Variants in PHF24 observed in about 807,000 individuals in gnomAD.
The protein encoded by PHF24 is Galpha inhibitory interacting protein.
PHF24 carries 25 observed loss-of-function variants against 42.6 expected under a neutral mutation model. The observed-to-expected ratio is 0.59, with a 90% confidence interval of 0.43 to 0.82. PHF24 has a LOEUF of 0.82. PHF24 is among the 40% of genes least tolerant of loss of function. The pLI is 0.00. For missense variants in PHF24, 470 were observed against 538.1 expected (o/e 0.87, Z 1.25); for synonymous variants, 185 against 204.8 (o/e 0.90, Z 0.83).
chr9:34,740,782 T>C, the PHF24 span, among the ~76,000 whole-genome samples: 3 of 152,190 alleles, frequency 2.0e-5, no homozygotes, highest in Non-Finnish European at 2.9e-5. Flanking sequence ...TTATTATATA[T>C]CCTTACAATG....
chr9:34,936,204 C>T, the PHF24 span, among the ~76,000 whole-genome samples: 1 of 152,190 alleles, frequency 6.6e-6, no homozygotes, highest in South Asian at 2.1e-4. Flanking sequence ...GAGTGCCTGC[C>T]ATTGCAGGCG....
chr9:34,843,767 T>G, the PHF24 span, among the ~76,000 whole-genome samples: 1 of 152,134 alleles, frequency 6.6e-6, no homozygotes, highest in Non-Finnish European at 1.5e-5. Context: ...AGACAGTATC[T>G]CACTACATTG....
the PHF24 span, among the ~76,000 whole-genome samples, chr9:34,874,916 G>A: frequency 6.3e-4 from 95 of 151,994 alleles, no homozygotes; most frequent in African/African-American, 2.1e-3. Flanking sequence ...TGGAGAATGG[G>A]GCATCTGTCC....
the PHF24 span, chr9:34,726,747 G>A: frequency 1.9e-6 from 3 of 1,551,754 alleles, no homozygotes; most frequent in Non-Finnish European, 2.6e-6. Flanking sequence ...ACAGATGACA[G>A]TGAAAGCTCT....
At chr9:34,821,608 A>G in the PHF24 span, among the ~76,000 whole-genome samples, 2 of 152,184 alleles carry the variant, frequency 1.3e-5, no homozygotes, top group South Asian at 2.1e-4. Context: ...TGGATCCTCC[A>G]TCAGGCTCTC....
chr9:34,940,472 C>T, the PHF24 span, among the ~76,000 whole-genome samples: 3 of 151,814 alleles, frequency 2.0e-5, 1 homozygote, highest in South Asian at 6.2e-4. Flanking sequence ...TTAATTCTTA[C>T]AGGGTGTGGT....
At chr9:34,761,649 TAGAG>T in the PHF24 span, among the ~76,000 whole-genome samples, 1 of 152,130 alleles carries the variant, frequency 6.6e-6, no homozygotes, top group Admixed American at 6.5e-5. Flanking sequence ...TATGGCATGG[TAGAG>T]AGAGAGCCCT....
the PHF24 span, among the ~76,000 whole-genome samples, chr9:34,906,464 G>T: frequency 6.6e-6 from 1 of 151,998 alleles, no homozygotes; most frequent in Non-Finnish European, 1.5e-5. Context: ...CAGCAGAAAG[G>T]AATCTTAAGT....
chr9:34,680,737 C>T, the PHF24 span, among the ~76,000 whole-genome samples: 1 of 151,348 alleles, frequency 6.6e-6, no homozygotes, highest in Non-Finnish European at 1.5e-5. Context: ...AATAAGAAAA[C>T]CAATACAAGA....
At chr9:34,666,937 T>TCCC in the PHF24 span, among the ~76,000 whole-genome samples, 1 of 151,600 alleles carries the variant, frequency 6.6e-6, no homozygotes, top group East Asian at 1.9e-4. Flanking sequence ...AGAGTGAGAC[T>TCCC]CCGTCTCAAA....
chr9:34,900,718 G>T, the PHF24 span, among the ~76,000 whole-genome samples: 1 of 152,206 alleles, frequency 6.6e-6, no homozygotes, highest in Non-Finnish European at 1.5e-5. Flanking sequence ...AATCCCCAAT[G>T]TAACAGTTTT....
the PHF24 span, among the ~76,000 whole-genome samples, chr9:34,864,850 T>C: frequency 1.3e-5 from 2 of 152,192 alleles, no homozygotes; most frequent in Admixed American, 1.3e-4. Context: ...ATGGACAGTA[T>C]AATATATAAA....
At chr9:34,941,492 C>T in the PHF24 span, among the ~76,000 whole-genome samples, 1 of 152,148 alleles carries the variant, frequency 6.6e-6, no homozygotes, top group Non-Finnish European at 1.5e-5. Context: ...AAGACAAACC[C>T]ATACCCAGAA....
In PHF24 at chr9:34,972,340, C is replaced by A; in HGVS notation, c.379-6C>A. 1 of 1,596,688 alleles carries A rather than the reference C, an allele frequency of 6.3e-7. No homozygotes were observed. The highest frequency in any genetic ancestry group is 1.1e-5 in the South Asian group (1 of 89,014). Reference sequence around the variant, plus strand: ...ATCCCTGTTTCCTCCTGCCATCTTTCTGCAGGTTGTCAACGATGAGATGTG... The same window carrying A: ...ATCCCTGTTTCCTCCTGCCATCTTTATGCAGGTTGTCAACGATGAGATGTG... On this transcript the variant is annotated splice_polypyrimidine_tract_variant and splice_region_variant and intron_variant, in intron 2 of 7. Coordinates refer to ENST00000242315, the Ensembl canonical transcript of PHF24.
the PHF24 span, among the ~76,000 whole-genome samples, chr9:34,944,693 A>T: frequency 6.6e-6 from 1 of 152,002 alleles, no homozygotes; most frequent in African/African-American, 2.4e-5. Context: ...AGCATAATAG[A>T]CCTGCCTTGC....
At chr9:34,874,315 T>C in the PHF24 span, among the ~76,000 whole-genome samples, 2 of 152,208 alleles carry the variant, frequency 1.3e-5, no homozygotes, top group African/African-American at 4.8e-5. Context: ...CCATTCAGTA[T>C]GCAGAAAAGG....
chr9:34,895,116 G>A, the PHF24 span: 1 of 398,522 alleles, frequency 2.5e-6, no homozygotes, highest in Non-Finnish European at 4.4e-6. Context: ...ATGCAAAGCT[G>A]CTACACCATT....
At chr9:34,723,387 C>G in the PHF24 span, 7 of 1,551,572 alleles carry the variant, frequency 4.5e-6, no homozygotes, top group South Asian at 7.1e-5. Context: ...AAGGCTGGGC[C>G]CACCAGCTTC....
the PHF24 span, among the ~76,000 whole-genome samples, chr9:34,840,845 A>G: frequency 6.6e-6 from 1 of 152,128 alleles, no homozygotes; most frequent in Admixed American, 6.5e-5. Context: ...GCTGATGCAA[A>G]CCTTATATAA....
Sources: gnomAD v4.1 joint callset for allele counts (sites outside exome capture counted in the v4.1 genomes callset) on GRCh38, gnomAD v4.1.1 for gene constraint, MANE v1.5 for transcripts, NCBI Gene and HGNC (gene_info 2026-07-23, HGNC 2026-07-21) for gene names.